The following PPAT variants were observed in gnomAD, a reference collection of about 807,000 sequenced individuals.
PPAT encodes amidophosphoribosyltransferase.
PPAT carries 20 observed loss-of-function variants against 60.2 expected under a neutral mutation model. The ratio of observed to expected loss-of-function variants is 0.33; its 90% CI spans 0.23 to 0.48. The LOEUF is 0.48. Ranked by LOEUF, PPAT falls within the 20% of genes least tolerant of loss-of-function variation. The pLI, the probability that PPAT is intolerant of heterozygous loss-of-function variation, is 0.99. For synonymous variants in PPAT, 194 were observed against 215.1 expected, an observed-to-expected ratio of 0.90 and a Z score of 0.86; for missense variants, 349 against 629.6, an observed-to-expected ratio of 0.55 and a Z score of 4.77.
intron 1 of PPAT, among the ~76,000 whole-genome samples, chr4:56,425,663 G>T (rs1253623079): frequency 6.6e-6 from 1 of 152,140 alleles, no homozygotes; most frequent in Non-Finnish European, 1.5e-5. Flanking sequence ...GTGTTAATGA[G>T]GCTACTCTAG....
chr4:56,406,720 G>T lies in PPAT; in HGVS notation c.196-19C>A, dbSNP rs779518311. The T allele has an allele frequency of 2.5e-6, 4 of 1,572,086 alleles. No homozygotes were observed. The South Asian group carries it at 4.5e-5, about 18-fold the overall frequency. Reference sequence around the variant, plus strand: ...CCATTCCCTTGAGAAATCAAAAAGTGCAACTTAGAAAAAAACAGACTAGTA... The same window carrying T: ...CCATTCCCTTGAGAAATCAAAAAGTTCAACTTAGAAAAAAACAGACTAGTA... On this transcript the variant is annotated intron_variant, in intron 2 of 10. Coordinates refer to ENST00000264220, the MANE Select transcript of PPAT (RefSeq NM_002703.5).
rs974837731 is a variant in PPAT at position 56,396,883 on chromosome 4, G to T, written c.1237-144C>A. 115 of 700,056 alleles carry T rather than the reference G, an allele frequency of 1.6e-4. No homozygotes were observed. In the Middle Eastern group the frequency reaches 2.2e-3, roughly 13 times the overall value. The allele number at this position is 700,056 out of a possible 1,614,324, so 43.4% of individuals were successfully genotyped here. ...ATTCTTTCTACAAAGCTGCTTCTTG[G>T]TTTTTTTTTTCTTTCACCTAATCAT... On this transcript the variant is annotated intron_variant, in intron 9 of 10. Coordinates refer to ENST00000264220, the MANE Select transcript of PPAT (RefSeq NM_002703.5). This position sits in a 1 kb window ranked among gnomAD's most constrained non-coding sequence, Gnocchi z 4.6.
At chr4:56,409,831 A>C (rs2110043003) in intron 1 of PPAT, among the ~76,000 whole-genome samples, 1 of 152,370 alleles carries the variant, frequency 6.6e-6, no homozygotes, top group Admixed American at 6.5e-5. Flanking sequence ...TTTGGTAAAA[A>C]GGAACCTTTT....
intron 3 of PPAT, among the ~76,000 whole-genome samples, chr4:56,406,204 T>C (rs75796523): frequency 0.081 from 12,349 of 152,212 alleles, 685 homozygotes; most frequent in East Asian, 0.25. Flanking sequence ...CCATAAACTC[T>C]AATTTCTCTA....
intron 3 of PPAT, among the ~76,000 whole-genome samples, chr4:56,405,644 T>C (rs756970833): frequency 1.3e-5 from 2 of 152,354 alleles, no homozygotes; most frequent in East Asian, 3.9e-4. Flanking sequence ...AGAGAGCTTC[T>C]GGATAGCTGA....
chr4:56,427,568 A>C (rs1717352861), intron 1 of PPAT, among the ~76,000 whole-genome samples: 1 of 151,660 alleles, frequency 6.6e-6, no homozygotes, highest in Non-Finnish European at 1.5e-5. Flanking sequence ...GCTACTTGGG[A>C]GGCTGAGGCA....
chr4:56,419,582 G>A (rs1013717589), intron 1 of PPAT: 3 of 670,722 alleles, frequency 4.5e-6, no homozygotes, highest in Non-Finnish European at 1.8e-6. Context: ...TGTATATAAT[G>A]CATATATCTT....
intron 3 of PPAT, among the ~76,000 whole-genome samples, chr4:56,404,567 AG>A (rs1560639027): frequency 6.7e-6 from 1 of 149,082 alleles, no homozygotes; most frequent in African/African-American, 2.5e-5. Context: ...CTAAAGGTAA[AG>A]ATAAAGTTTA....
chr4:56,431,455 T>C, intron 1 of PPAT: 2 of 976,642 alleles, frequency 2.0e-6, no homozygotes, highest in Non-Finnish European at 2.4e-6. Flanking sequence ...AAAGTGCTCC[T>C]GAGATCATTA....
intron 1 of PPAT, among the ~76,000 whole-genome samples, chr4:56,417,238 A>C (rs980675774): frequency 1.3e-5 from 2 of 152,240 alleles, no homozygotes; most frequent in Non-Finnish European, 2.9e-5. Context: ...ATAAGAAAAA[A>C]AATTCTGAAA....
chr4:56,397,953 G>A (rs527952826), intron 9 of PPAT, among the ~76,000 whole-genome samples: 16 of 152,076 alleles, frequency 1.1e-4, no homozygotes, highest in Middle Eastern at 3.4e-3. Context: ...GAAGTGGGAG[G>A]ATCTCTTGAG....
chr4:56,405,049 A>G (rs1716211245), intron 3 of PPAT, among the ~76,000 whole-genome samples: 1 of 151,996 alleles, frequency 6.6e-6, no homozygotes, highest in Non-Finnish European at 1.5e-5. Flanking sequence ...GAATGCCTGA[A>G]TGGATAAAAG....
intron 2 of PPAT, among the ~76,000 whole-genome samples, chr4:56,406,985 A>C (rs555706321): frequency 6.6e-6 from 1 of 152,374 alleles, no homozygotes; most frequent in Non-Finnish European, 1.5e-5. Context: ...ACAATGTTGA[A>C]GCACTTGTGT....
At chr4:56,416,821 A>G (rs1417939343) in intron 1 of PPAT, among the ~76,000 whole-genome samples, 5 of 152,102 alleles carry the variant, frequency 3.3e-5, no homozygotes, top group African/African-American at 9.7e-5. Context: ...GAATCACCCA[A>G]TGAATTAAAT....
chr4:56,414,398 C>T (rs998900931), intron 1 of PPAT: 7 of 152,250 alleles, frequency 4.6e-5, no homozygotes, highest in Non-Finnish European at 8.8e-5. Flanking sequence ...TTGACCAACT[C>T]TAAGAGGCTT....
intron 1 of PPAT, among the ~76,000 whole-genome samples, chr4:56,412,165 C>G (rs962069447): frequency 1.3e-5 from 2 of 152,158 alleles, no homozygotes; most frequent in Non-Finnish European, 2.9e-5. Flanking sequence ...TTAAAGGGAT[C>G]TTCAGCGCTT....
intron 10 of PPAT, 117 bp from the exon 11 acceptor site, chr4:56,395,665 G>A (rs1440126630): frequency 4.7e-6 from 3 of 643,216 alleles, no homozygotes; most frequent in Non-Finnish European, 4.3e-6. Flanking sequence ...TTCTCCTTTA[G>A]CCTTTCTTTA....
At chr4:56,426,488 CTTTCTG>C (rs1300103258) in intron 1 of PPAT, among the ~76,000 whole-genome samples, 2 of 152,120 alleles carry the variant, frequency 1.3e-5, no homozygotes, top group Non-Finnish European at 2.9e-5. Flanking sequence ...CACTAACCAA[CTTTCTG>C]TTTCTAAGAA....
At chr4:56,410,413 C>T (rs993640862) in intron 1 of PPAT, 4 of 512,628 alleles carry the variant, frequency 7.8e-6, no homozygotes, top group South Asian at 8.4e-5. Flanking sequence ...AGTTAAACTA[C>T]ATCCTTTCAG....
Sources: gnomAD v4.1 joint callset for allele counts (sites outside exome capture counted in the v4.1 genomes callset) on GRCh38, gnomAD v4.1.1 for gene constraint, Gnocchi (gnomAD v3.1) non-coding constraint, MANE v1.5 for transcripts, NCBI Gene and HGNC (gene_info 2026-07-23, HGNC 2026-07-21) for gene names.